The following CBFA2T2 variants were observed in gnomAD, a reference collection of about 807,000 sequenced individuals.
CBFA2T2 encodes the protein protein CBFA2T2.
In CBFA2T2, 11 loss-of-function variants were observed where a neutral mutation model predicts 62.2. That is an observed-to-expected ratio of 0.18 (90% CI 0.11 to 0.29). The LOEUF (loss-of-function observed/expected upper bound fraction) is 0.29, where lower values mean the gene tolerates loss of function less well. Ranked by LOEUF, CBFA2T2 falls within the 10% of genes least tolerant of loss-of-function variation. The pLI is 1.00. For synonymous variants in CBFA2T2, 295 were observed against 287.5 expected (o/e 1.03, Z -0.27); for missense variants, 592 against 774.1 (o/e 0.76, Z 2.79).
chr20:33,530,145 G>A (rs143636258), intron 1 of CBFA2T2, among the ~76,000 whole-genome samples: 56 of 151,710 alleles, frequency 3.7e-4, no homozygotes, highest in Middle Eastern at 3.4e-3. Context: ...GGCTGGTCTC[G>A]AACTTTTGGA....
chr20:33,585,632 A>G (rs1462153099), intron 1 of CBFA2T2, among the ~76,000 whole-genome samples: 1 of 152,198 alleles, frequency 6.6e-6, no homozygotes, highest in African/African-American at 2.4e-5. Flanking sequence ...AACATTATGA[A>G]CATTTTTCTA....
At chr20:33,563,346 T>A (rs547094309) in intron 1 of CBFA2T2, among the ~76,000 whole-genome samples, 1 of 152,308 alleles carries the variant, frequency 6.6e-6, no homozygotes, top group African/African-American at 2.4e-5. Context: ...GGTTAGTTTG[T>A]GATGCCTATT....
chr20:33,647,472 CG>C lies in CBFA2T2; in HGVS notation c.*2830del, dbSNP rs1568881848. 6.6e-6 allele frequency: 1 copy of C among 152,080 alleles called. No individual in the cohort carries two copies. Among genetic ancestry groups the C allele is most frequent in the East Asian group, 1.9e-4 (1 of 5,196 alleles). The allele number at this position is 152,080 out of a possible 1,614,324, so 9.4% of individuals were successfully genotyped here. ...ACTAATTTTGTATTTTTAGTAGAGA[CG>C]GGGTTTCTCCTTGTTGGTCAGGCTG... On this transcript the variant is annotated 3_prime_UTR_variant, in exon 11 of 11. Transcript: ENST00000342704.
intron 1 of CBFA2T2, among the ~76,000 whole-genome samples, chr20:33,499,494 G>A (rs1407699575): frequency 6.6e-6 from 1 of 152,178 alleles, no homozygotes; most frequent in Non-Finnish European, 1.5e-5. Flanking sequence ...GACAGACCTT[G>A]TTTCTGGATT....
chr20:33,507,086 T>G (rs1444708846), intron 1 of CBFA2T2, among the ~76,000 whole-genome samples: 1 of 152,230 alleles, frequency 6.6e-6, no homozygotes, highest in African/African-American at 2.4e-5. Flanking sequence ...GGGCCTGATA[T>G]TTGTATTCTA....
At chr20:33,557,032 T>TTTTTTTA (rs2012920065) in intron 1 of CBFA2T2, among the ~76,000 whole-genome samples, 3 of 144,862 alleles carry the variant, frequency 2.1e-5, no homozygotes, top group African/African-American at 5.2e-5. Context: ...TTTTTTTTTT[T>TTTTTTTA]GAGACAGAGC....
chr20:33,642,785 TTAAC>T (rs2016904834), intron 10 of CBFA2T2, among the ~76,000 whole-genome samples: 3 of 152,244 alleles, frequency 2.0e-5, no homozygotes. Flanking sequence ...CTGTTTATCT[TTAAC>T]TATGTCTATC....
At chr20:33,610,917 C>G (rs2015499556) in intron 2 of CBFA2T2, among the ~76,000 whole-genome samples, 177 bp from the exon 3 acceptor site, 1 of 152,202 alleles carries the variant, frequency 6.6e-6, no homozygotes, top group Non-Finnish European at 1.5e-5. Flanking sequence ...CAGTGTTACT[C>G]TGTTACCATT....
chr20:33,575,977 C>T (rs112521102), intron 1 of CBFA2T2, among the ~76,000 whole-genome samples: 6,064 of 151,310 alleles, frequency 0.04, 173 homozygotes, highest in Middle Eastern at 0.068. Context: ...TTAGTAGAGA[C>T]GGGGTTTCAC....
At chr20:33,556,499 A>AT (rs1428080449) in intron 1 of CBFA2T2, among the ~76,000 whole-genome samples, 1 of 152,146 alleles carries the variant, frequency 6.6e-6, no homozygotes, top group African/African-American at 2.4e-5. Context: ...TTAATAAGTA[A>AT]TTTGTTGGGT....
chr20:33,643,575 G>A (rs1360031231), intron 10 of CBFA2T2, among the ~76,000 whole-genome samples: 2 of 151,226 alleles, frequency 1.3e-5, no homozygotes, highest in Non-Finnish European at 2.9e-5. Context: ...CAAAACAGCA[G>A]CAGCAGCCTT....
chr20:33,564,761 A>AG (rs2013231506), intron 1 of CBFA2T2, among the ~76,000 whole-genome samples: 2 of 151,368 alleles, frequency 1.3e-5, no homozygotes, highest in Admixed American at 1.3e-4. Context: ...GGTAGTTTTT[A>AG]TACAGGTGGG....
chr20:33,644,329 G>C lies in CBFA2T2; in HGVS notation c.1489-18G>C. 6.3e-7 allele frequency: 1 copy of C among 1,599,080 alleles called. No individual in the cohort carries two copies. Among genetic ancestry groups the C allele is most frequent in the Non-Finnish European group, 8.6e-7 (1 of 1,169,556 alleles). On this transcript the variant is annotated intron_variant, in intron 10 of 10. Coordinates refer to ENST00000342704, the MANE Select transcript of CBFA2T2 (RefSeq NM_001032999.3). ...CCCTCAATCCCAGCAACCACTAACT[G>C]ATGCCTGTGTCTTGCAGAACTGCTG... is the stretch of plus-strand genomic sequence containing the variant.
chr20:33,521,344 A>T (rs186653803), intron 1 of CBFA2T2, among the ~76,000 whole-genome samples: 1 of 152,200 alleles, frequency 6.6e-6, no homozygotes, highest in Non-Finnish European at 1.5e-5. Context: ...CCAAATTTGT[A>T]ATCTAGGATT....
intron 4 of CBFA2T2, 130 bp downstream of exon 4, chr20:33,619,736 C>T: frequency 1.7e-6 from 1 of 604,498 alleles, no homozygotes; most frequent in East Asian, 3.1e-5. Context: ...GTAGAGAGGT[C>T]TGAGTGCAGT....
At chr20:33,607,655 T>C (rs2015387072) in intron 2 of CBFA2T2, among the ~76,000 whole-genome samples, 1 of 152,208 alleles carries the variant, frequency 6.6e-6, no homozygotes, top group Admixed American at 6.5e-5. Context: ...TCTTGCCATA[T>C]CCTCACATGG....
At chr20:33,545,313 C>G (rs1363249831) in intron 1 of CBFA2T2, among the ~76,000 whole-genome samples, 1 of 152,098 alleles carries the variant, frequency 6.6e-6, no homozygotes, top group Non-Finnish European at 1.5e-5. Context: ...AATTTTTGAT[C>G]TTAATTCATT....
chr20:33,559,606 C>T (rs1204872968), intron 1 of CBFA2T2, among the ~76,000 whole-genome samples: 1 of 152,128 alleles, frequency 6.6e-6, no homozygotes, highest in Admixed American at 6.5e-5. Context: ...CCTGGCTCAG[C>T]CTCCCAAGTA....
At chr20:33,540,603 G>A (rs914336671) in intron 1 of CBFA2T2, among the ~76,000 whole-genome samples, 1 of 152,130 alleles carries the variant, frequency 6.6e-6, no homozygotes, top group African/African-American at 2.4e-5. Flanking sequence ...TTCAGATTTC[G>A]TTAAGAAGTT....
Sources: gnomAD v4.1 joint callset for allele counts (sites outside exome capture counted in the v4.1 genomes callset) on GRCh38, gnomAD v4.1.1 for gene constraint, MANE v1.5 for transcripts, NCBI Gene and HGNC (gene_info 2026-07-23, HGNC 2026-07-21) for gene names.